ANK1: variants seen among roughly 807,000 people sequenced by gnomAD.
ANK1 encodes the protein ankyrin-1.
ANK1 carries 51 observed loss-of-function variants against 210.4 expected under a neutral mutation model. That is an observed-to-expected ratio of 0.24 (90% CI 0.19 to 0.31). The LOEUF is 0.31. ANK1 is among the 10% of genes least tolerant of loss of function. The pLI is 1.00. For missense variants in ANK1, 2,051 were observed against 2,504.4 expected (o/e 0.82, Z 3.86); for synonymous variants, 967 against 1,025.9 (o/e 0.94, Z 1.10).
chr8:41,807,643 G>A (rs1481855510), intron 1 of ANK1, among the ~76,000 whole-genome samples: 3 of 151,996 alleles, frequency 2.0e-5, no homozygotes, highest in Non-Finnish European at 4.4e-5. Context: ...CACTGATGAG[G>A]CCGGGCGGTA....
At chr8:41,676,235 C>T (rs539810815) in intron 37 of ANK1, among the ~76,000 whole-genome samples, 13 of 152,328 alleles carry the variant, frequency 8.5e-5, no homozygotes, top group African/African-American at 2.9e-4. Context: ...TCCCCCATAT[C>T]CTCACCAACA....
intron 1 of ANK1, among the ~76,000 whole-genome samples, chr8:41,768,665 G>A (rs1032248382): frequency 7.2e-5 from 11 of 152,124 alleles, no homozygotes; most frequent in Admixed American, 2.0e-4. Flanking sequence ...TGTACTCAGC[G>A]CCAGGAAGAG....
chr8:41,755,157 C>T (rs1313910418), intron 2 of ANK1, among the ~76,000 whole-genome samples: 2 of 152,210 alleles, frequency 1.3e-5, no homozygotes, highest in Admixed American at 6.5e-5. Context: ...CTGAGCCAAT[C>T]GGAAATGGTG....
intron 1 of ANK1, among the ~76,000 whole-genome samples, chr8:41,769,060 G>A (rs1474924139): frequency 1.3e-5 from 2 of 152,204 alleles, no homozygotes; most frequent in Non-Finnish European, 2.9e-5. Context: ...CAATCAGGGG[G>A]CATCCCAAGG....
chr8:41,888,685 G>T (rs1818877784), intron 1 of ANK1, among the ~76,000 whole-genome samples: 1 of 152,226 alleles, frequency 6.6e-6, no homozygotes, highest in South Asian at 2.1e-4. Context: ...TTGATGATGT[G>T]GTGAACAGAG....
chr8:41,754,251 C>T (rs557519844), intron 2 of ANK1, among the ~76,000 whole-genome samples: 68 of 152,292 alleles, frequency 4.5e-4, no homozygotes, highest in African/African-American at 1.6e-3. Context: ...AAAGTGCAAA[C>T]AATAAATTTT....
chr8:41,665,027 C>T (rs780590938), intron 39 of ANK1: 14 of 1,613,040 alleles, frequency 8.7e-6, no homozygotes, highest in African/African-American at 2.7e-5. Context: ...TCCACATCCT[C>T]GCCTCCTCAC....
intron 1 of ANK1, among the ~76,000 whole-genome samples, chr8:41,760,814 G>A (rs2150716989): frequency 6.6e-6 from 1 of 152,212 alleles, no homozygotes; most frequent in East Asian, 1.9e-4. Flanking sequence ...GCCACACATG[G>A]GAGAAGCGTG....
chr8:41,882,638 C>G (rs925134448), intron 1 of ANK1, among the ~76,000 whole-genome samples: 1 of 152,202 alleles, frequency 6.6e-6, no homozygotes, highest in East Asian at 1.9e-4. Flanking sequence ...TGGAACTTAC[C>G]AAAAATATCA....
At chr8:41,728,071 G>C in intron 3 of ANK1, 65 bp from the exon 4 acceptor site, 3 of 1,542,354 alleles carry the variant, frequency 1.9e-6, no homozygotes, top group Non-Finnish European at 2.7e-6. Flanking sequence ...GACCAGCAAA[G>C]GTCTGTGGAC....
At chr8:41,857,092 T>A (rs1377405541) in intron 1 of ANK1, among the ~76,000 whole-genome samples, 1 of 151,490 alleles carries the variant, frequency 6.6e-6, no homozygotes, top group African/African-American at 2.4e-5. Context: ...TTGGTCAGGC[T>A]GGTCTCAAAC....
At chr8:41,872,068 G>A (rs1055411256) in intron 1 of ANK1, among the ~76,000 whole-genome samples, 1 of 152,246 alleles carries the variant, frequency 6.6e-6, no homozygotes, top group African/African-American at 2.4e-5. Flanking sequence ...CCACTTCAGA[G>A]AGTGTTTAAT....
intron 17 of ANK1, among the ~76,000 whole-genome samples, chr8:41,707,706 C>T (rs565757772): frequency 6.6e-6 from 1 of 152,172 alleles, no homozygotes; most frequent in Non-Finnish European, 1.5e-5. Flanking sequence ...AGTGAAGGAA[C>T]CCAGAATGCC....
chr8:41,757,970 C>A, intron 2 of ANK1, 66 bp downstream of exon 2: 1 of 1,432,886 alleles, frequency 7.0e-7, no homozygotes, highest in Non-Finnish European at 9.8e-7. Flanking sequence ...TTTCAAAGCT[C>A]TCAGGAAATG....
intron 1 of ANK1, among the ~76,000 whole-genome samples, chr8:41,785,709 C>T (rs1039055422): frequency 2.6e-5 from 4 of 152,240 alleles, no homozygotes; most frequent in African/African-American, 9.6e-5. Flanking sequence ...CGGGCCTGGG[C>T]CTTCCCGCAG....
intron 18 of ANK1, among the ~76,000 whole-genome samples, chr8:41,705,718 C>A (rs1008806077): frequency 1.3e-5 from 2 of 152,198 alleles, no homozygotes; most frequent in Non-Finnish European, 2.9e-5. Context: ...CCACACCAAA[C>A]TGCAGACACC....
intron 2 of ANK1, among the ~76,000 whole-genome samples, chr8:41,757,798 C>A (rs1229047674): frequency 6.6e-6 from 1 of 152,210 alleles, no homozygotes; most frequent in Admixed American, 6.5e-5. Context: ...GCGAGGAGAC[C>A]GCAGGGGATC....
intron 1 of ANK1, among the ~76,000 whole-genome samples, chr8:41,769,548 ATAATAC>A (rs1049116719): frequency 6.6e-5 from 10 of 152,252 alleles, no homozygotes; most frequent in African/African-American, 2.4e-4. Flanking sequence ...AATAATATAT[ATAATAC>A]TTTTAAAAAC....
intron 31 of ANK1, 135 bp from the exon 32 acceptor site, chr8:41,690,734 C>A: frequency 7.1e-7 from 1 of 1,407,492 alleles, no homozygotes; most frequent in Non-Finnish European, 9.8e-7. Flanking sequence ...GCTGAGAAAT[C>A]CACTGTTTGT....
Sources: gnomAD v4.1 joint callset for allele counts (sites outside exome capture counted in the v4.1 genomes callset) on GRCh38, gnomAD v4.1.1 for gene constraint, MANE v1.5 for transcripts, NCBI Gene and HGNC (gene_info 2026-07-23, HGNC 2026-07-21) for gene names.